POLR1B: variants seen among roughly 807,000 people sequenced by gnomAD.
POLR1B encodes DNA-directed RNA polymerase I subunit RPA2.
A neutral mutation model predicts 105.8 loss-of-function variants in POLR1B; 30 were observed. That is an observed-to-expected ratio of 0.28 (90% confidence interval 0.21 to 0.38). The LOEUF (loss-of-function observed/expected upper bound fraction) is 0.38. Among genes scored for constraint, POLR1B ranks in the 10% least tolerant of loss-of-function variants. POLR1B has a pLI of 1.00. For missense variants in POLR1B, 976 were observed against 1,435.8 expected (o/e 0.68, Z 5.17); for synonymous variants, 485 against 505.1 (o/e 0.96, Z 0.53).
At position 112,573,729 on chromosome 2, in the gene POLR1B, G is replaced by A. The variant is rs141085976; in HGVS notation, c.2439G>A (p.Pro813=). 65 of 1,614,110 alleles carry A rather than the reference G, an allele frequency of 4.0e-5. No individual in the cohort carries two copies. The highest frequency in any genetic ancestry group is 1.6e-4 in the Middle Eastern group (1 of 6,084). Residue 813 remains proline (P), a synonymous_variant, in exon 14 of 15, where the codon CCG becomes CCA. Coordinates refer to ENST00000263331, the MANE Select transcript of POLR1B (RefSeq NM_019014.6). ...AGAAGTTAGATGACGATGGATTGCC[G>A]TTTATAGGAGCAAAACTGCAGTACG... ...VLQKLDDDGL[P]FIGAKLQYGD... is the part of the protein sequence containing the mutation.
At chr2:112,573,219 C>T (rs1412074551) in intron 13 of POLR1B, among the ~76,000 whole-genome samples, 2 of 152,214 alleles carry the variant, frequency 1.3e-5, no homozygotes, top group African/African-American at 4.8e-5. Flanking sequence ...TCTCCTGCCT[C>T]AGCCTCTCGA....
Position 112,564,372 on chromosome 2 carries a change from C to T in POLR1B, c.1619C>T (p.Thr540Ile), listed in dbSNP as rs757170906. 1.9e-6 allele frequency: 3 copies of T among 1,614,052 alleles called. No individual in the cohort carries two copies. Among genetic ancestry groups the T allele is most frequent in the Middle Eastern group, 1.7e-4 (1 of 6,060 alleles). Residue 540 changes from threonine to isoleucine, a missense_variant, in exon 10 of 15, where the codon ACT (threonine) becomes ATT (isoleucine). By Grantham distance (89) the Thr-to-Ile change is moderately conservative. This residue lies in a region of POLR1B where 184 missense variants were observed against 197.4 expected (regional missense o/e 0.93). Coordinates refer to ENST00000263331, the MANE Select transcript of POLR1B (RefSeq NM_019014.6). ...TGTTTGTTTCCTTTACCAGGGGTCA[C>T]TCCCATTGATGGAGCTCCCCACCGA... The part of the protein sequence containing the change: ...IPALLCNLGV[T>I]PIDGAPHRSY...
In POLR1B at chr2:112,557,891, T is replaced by A. The variant is rs1241979240; in HGVS notation, c.1159-19T>A. The A allele has an allele frequency of 8.3e-7, 1 of 1,205,098 alleles. No individual in the cohort carries two copies. Among genetic ancestry groups the A allele is most frequent in the Non-Finnish European group, 1.1e-6 (1 of 937,390 alleles). The allele number at this position is 1,205,098 out of a possible 1,614,324, so 74.7% of individuals were successfully genotyped here. ...TGGCTCACATACTATTTTATATTAA[T>A]TTTTTTTCCTTATTTCAGGAAAAAC... On this transcript the variant is annotated intron_variant, in intron 7 of 14. Coordinates refer to ENST00000263331, the MANE Select transcript of POLR1B (RefSeq NM_019014.6).
At chr2:112,542,203 C>T (rs1682783465), upstream of POLR1B, 6 of 1,535,580 alleles carry the variant, frequency 3.9e-6, no homozygotes, top group South Asian at 7.1e-5. Flanking sequence ...GGGTTTCCAC[C>T]TGCGGCATCT....
chr2:112,549,415 T>G lies in POLR1B; in HGVS notation c.625+16T>G. The G allele has an allele frequency of 6.6e-7, 1 of 1,511,776 alleles. No individual in the cohort carries two copies. Among genetic ancestry groups the G allele is most frequent in the African/African-American group, 1.4e-5 (1 of 70,280 alleles). 93.6% of individuals were successfully genotyped at this position (1,511,776 alleles called of 1,614,324 possible). A position where few individuals can be genotyped will look rare whatever the true frequency, so the allele number is the denominator to read the frequency against. ...ACTCAGTATGGTAAGTTCTGGAGAT[T>G]ATTAGAATATTTTTTAAGGAAAATT... On this transcript the variant is annotated intron_variant, in intron 4 of 14. Transcript: ENST00000263331.
Position 112,551,102 on chromosome 2 carries a change from C to A in POLR1B, c.762+100C>A, listed in dbSNP as rs144655017. ...TTCTCCTTGTTAAAATAATACTGTA[C>A]TAGTTGTCTACTGCTCCAAAACAAA... is the stretch of plus-strand genomic sequence containing the variant. On this transcript the variant is annotated intron_variant, in intron 5 of 14. Transcript: ENST00000263331. The A allele has an allele frequency of 5.4e-4, 650 of 1,193,508 alleles. 3 individuals carry two copies. The African/African-American group carries it at 9.0e-3, about 16-fold the overall frequency. The allele number at this position is 1,193,508 out of a possible 1,614,324, so 73.9% of individuals were successfully genotyped here.
At chr2:112,567,719 TA>T (rs1262646867) in intron 10 of POLR1B, among the ~76,000 whole-genome samples, 12 of 152,170 alleles carry the variant, frequency 7.9e-5, no homozygotes, top group Non-Finnish European at 1.5e-4. Context: ...ATAAAACCAG[TA>T]ATCTACTGTA....
chr2:112,557,962 C>A lies in POLR1B; in HGVS notation c.1211C>A (p.Ala404Asp). Residue 404 changes from alanine to aspartate, a missense_variant, in exon 8 of 15, where the codon GCT becomes GAT. Physicochemically the swap from Ala to Asp is moderately radical, Grantham distance 126 (BLOSUM62 -2). Coordinates refer to ENST00000263331, the MANE Select transcript of POLR1B (RefSeq NM_019014.6). ...ATTAAAATAGCTTTTGATAAGAAGG[C>A]TCAGAAGACCAGTGTTTCCATGAAC... ...VSIKIAFDKK[A>D]QKTSVSMNTD... 7.1e-7 allele frequency: 1 copy of A among 1,412,878 alleles called. No homozygotes were observed. Among genetic ancestry groups the A allele is most frequent in the Non-Finnish European group, 9.3e-7 (1 of 1,069,730 alleles). 87.5% of individuals were successfully genotyped at this position (1,412,878 alleles called of 1,614,324 possible). A position where few individuals can be genotyped will look rare whatever the true frequency, so the allele number is the denominator to read the frequency against.
chr2:112,572,056 A>G (rs896642835), intron 12 of POLR1B, among the ~76,000 whole-genome samples: 4 of 152,218 alleles, frequency 2.6e-5, no homozygotes, highest in African/African-American at 9.6e-5. Flanking sequence ...TTGTCGTGAA[A>G]TGATTCTCTG....
intron 7 of POLR1B, among the ~76,000 whole-genome samples, chr2:112,555,598 G>A (rs548128555): frequency 3.3e-4 from 50 of 152,320 alleles, no homozygotes; most frequent in African/African-American, 1.2e-3. Flanking sequence ...GATGCAGTGT[G>A]CTGTGATCAC....
chr2:112,546,395 TTC>T (rs1683042617), intron 1 of POLR1B, among the ~76,000 whole-genome samples: 2 of 152,178 alleles, frequency 1.3e-5, no homozygotes, highest in Non-Finnish European at 2.9e-5. Flanking sequence ...AGGCTCTTGG[TTC>T]AGAGAACAGG....
intron 7 of POLR1B, among the ~76,000 whole-genome samples, chr2:112,555,429 C>A (rs1318002465): frequency 6.6e-6 from 1 of 152,106 alleles, no homozygotes; most frequent in Non-Finnish European, 1.5e-5. Context: ...TCACTTGAGC[C>A]CAGGAGTTTG....
Position 112,549,354 on chromosome 2 carries a change from A to C in POLR1B, c.580A>C (p.Ile194Leu). The C allele has an allele frequency of 3.7e-6, 6 of 1,613,932 alleles. No homozygotes were observed. The highest frequency in any genetic ancestry group is 5.1e-6 in the Non-Finnish European group (6 of 1,179,806). The change falls in exon 4 of 15, where the codon ATA becomes CTA. Residue 194 changes from isoleucine to leucine, a missense_variant. Transcript: ENST00000263331. ...TCGGAGAAATTTTCCCATTGCAATGATAAGACCAAAATGGAAAACCAGAGG... is the reference window on the plus strand; with the variant it reads ...TCGGAGAAATTTTCCCATTGCAATGCTAAGACCAAAATGGAAAACCAGAGG... ...MPRRNFPIAM[I>L]RPKWKTRGPG...
At chr2:112,571,589 C>T (rs1251417249) in intron 12 of POLR1B, among the ~76,000 whole-genome samples, 2 of 152,040 alleles carry the variant, frequency 1.3e-5, no homozygotes, top group East Asian at 3.9e-4. Flanking sequence ...GTGATCTGTC[C>T]CATGCATGCA....
chr2:112,567,521 A>G (rs1158650290), intron 10 of POLR1B, among the ~76,000 whole-genome samples: 6 of 151,862 alleles, frequency 4.0e-5, no homozygotes, highest in African/African-American at 1.5e-4. Flanking sequence ...CTGGGACTAC[A>G]GGCACGTACC....
At chr2:112,547,273 T>C in intron 2 of POLR1B, 94 bp downstream of exon 2, 1 of 1,512,716 alleles carries the variant, frequency 6.6e-7, no homozygotes, top group Non-Finnish European at 9.0e-7. Flanking sequence ...ATTGCTTTCT[T>C]GGTGCTATTG....
chr2:112,564,416 C>A lies in POLR1B; in HGVS notation c.1663C>A (p.Pro555Thr). ...CCACCGATCATACAGTGAGTGCTAC[C>A]CTGTCCTGCTGGACGGTGTCATGGT... Reference protein sequence around the residue: ...APHRSYSECYPVLLDGVMVGW... With the variant: ...APHRSYSECYTVLLDGVMVGW... Residue 555 changes from proline to threonine, a missense_variant, in exon 10 of 15, where the codon CCT (proline) becomes ACT (threonine). This residue lies in a region of POLR1B where 184 missense variants were observed against 197.4 expected (regional missense o/e 0.93). Transcript: ENST00000263331. The A allele has an allele frequency of 6.2e-7, 1 of 1,614,224 alleles. No homozygotes were observed. The highest frequency in any genetic ancestry group is 8.5e-7 in the Non-Finnish European group (1 of 1,180,034).
chr2:112,548,101 G>A (rs66571556), intron 3 of POLR1B: 15,180 of 152,558 alleles, frequency 0.1, 871 homozygotes, highest in South Asian at 0.17. Context: ...GATTCTGTGC[G>A]CATATTAAAT....
At chr2:112,543,113 T>C (rs542613210) in intron 1 of POLR1B, among the ~76,000 whole-genome samples, 2 of 152,366 alleles carry the variant, frequency 1.3e-5, no homozygotes, top group African/African-American at 4.8e-5. Flanking sequence ...GAGAAACTAC[T>C]CGTCATTTGT....
Sources: allele counts gnomAD v4.1 joint callset (sites outside exome capture counted in the v4.1 genomes callset), GRCh38; gene constraint gnomAD v4.1.1; regional missense constraint gnomAD v4.1.1; transcripts MANE v1.5; gene names NCBI Gene and HGNC (gene_info 2026-07-23, HGNC 2026-07-21).